The following TMEM67 variants were observed in gnomAD, a reference collection of about 807,000 sequenced individuals.
TMEM67 encodes the protein meckelin.
TMEM67 carries 124 observed loss-of-function variants against 136.6 expected under a neutral mutation model. That is an observed-to-expected ratio of 0.91 (90% CI 0.78 to 1.05). TMEM67 has a LOEUF of 1.05. TMEM67 is among the 50% of genes least tolerant of loss of function. The pLI is 0.00. For missense variants in TMEM67, 1,107 were observed against 1,178.4 expected (o/e 0.94, Z 0.89); for synonymous variants, 364 against 390.5 (o/e 0.93, Z 0.80).
At chr8:93,774,894 C>T (rs1813472435) in intron 7 of TMEM67, among the ~76,000 whole-genome samples, 1 of 152,168 alleles carries the variant, frequency 6.6e-6, no homozygotes, top group East Asian at 1.9e-4. Flanking sequence ...ATTGCTGGGT[C>T]AAATGGTATT....
Position 93,756,035 on chromosome 8 carries a change from C to T in TMEM67, c.312+169C>T, listed in dbSNP as rs545717495. 8.8e-5 allele frequency: 44 copies of T among 497,214 alleles called. 1 individual carries two copies. In the South Asian group the frequency reaches 1.5e-3, roughly 17 times the overall value. The allele number at this position is 497,214 out of a possible 1,614,324, so 30.8% of individuals were successfully genotyped here. A position where few individuals can be genotyped will look rare whatever the true frequency, so the allele number is the denominator to read the frequency against. The stretch of plus-strand genomic sequence containing the variant: ...TTTGGGAGATCAGCGAAATTTCATG[C>T]AAACTTGGAGAAAACAGAAATGTAT... On this transcript the variant is annotated intron_variant, in intron 2 of 27. Transcript: ENST00000453321.
intron 13 of TMEM67, among the ~76,000 whole-genome samples, chr8:93,787,506 A>G (rs538441567): frequency 6.6e-6 from 1 of 152,332 alleles, no homozygotes; most frequent in Admixed American, 6.5e-5. Flanking sequence ...ACTTTTGATT[A>G]TTCCTCAAAG....
chr8:93,790,910 G>A (rs185770979), intron 14 of TMEM67, among the ~76,000 whole-genome samples: 1 of 152,296 alleles, frequency 6.6e-6, no homozygotes, highest in African/African-American at 2.4e-5. Flanking sequence ...TTAATCTGCG[G>A]TTTAGCAACT....
At position 93,799,576 on chromosome 8, in the gene TMEM67, A is replaced by T. The variant is rs370873700; in HGVS notation, c.2101-42A>T. 3.4e-5 allele frequency: 54 copies of T among 1,604,338 alleles called. No individual in the cohort carries two copies. The African/African-American group carries it at 6.6e-4, about 20-fold the overall frequency. ...TTTTCAGTCTAGAGTAGTTTTCTTTATCCATGTCCGTTTAAATTACTACTT... is the reference window on the plus strand; with the variant it reads ...TTTTCAGTCTAGAGTAGTTTTCTTTTTCCATGTCCGTTTAAATTACTACTT... On this transcript the variant is annotated intron_variant, in intron 20 of 27. Coordinates refer to ENST00000453321, the MANE Select transcript of TMEM67 (RefSeq NM_153704.6).
At chr8:93,758,438 A>G (rs1035330609) in intron 2 of TMEM67, 45 bp from the exon 3 acceptor site, 3 of 1,423,886 alleles carry the variant, frequency 2.1e-6, no homozygotes, top group Non-Finnish European at 3.0e-6. Flanking sequence ...TAGAAGAAGA[A>G]AGTTAATTAA....
intron 7 of TMEM67, among the ~76,000 whole-genome samples, chr8:93,778,822 A>C (rs1813675668): frequency 6.6e-6 from 1 of 152,062 alleles, no homozygotes; most frequent in African/African-American, 2.4e-5. Context: ...GAATCTGACA[A>C]TTATGTGTCT....
Position 93,809,781 on chromosome 8 carries a change from T to G in TMEM67, c.2662-4T>G. 1 of 1,494,014 alleles carries G rather than the reference T, an allele frequency of 6.7e-7. No homozygotes were observed. Among genetic ancestry groups the G allele is most frequent in the South Asian group, 1.1e-5 (1 of 88,080 alleles). The allele number at this position is 1,494,014 out of a possible 1,614,324, so 92.5% of individuals were successfully genotyped here. ...TGAAATGATGCTGTCTTTTTCTTTA[T>G]TAGGTTCATAAGGAAATGGATTACT... On this transcript the variant is annotated splice_polypyrimidine_tract_variant and splice_region_variant and intron_variant, in intron 25 of 27. Coordinates refer to ENST00000453321, the MANE Select transcript of TMEM67 (RefSeq NM_153704.6).
chr8:93,769,278 A>AC (rs1813227702), intron 6 of TMEM67, among the ~76,000 whole-genome samples: 1 of 151,916 alleles, frequency 6.6e-6, no homozygotes, highest in Non-Finnish European at 1.5e-5. Flanking sequence ...GCCTCAGAGG[A>AC]CCCCCCAGTC....
At chr8:93,766,707 A>G (rs1024491950) in intron 6 of TMEM67, among the ~76,000 whole-genome samples, 2 of 152,154 alleles carry the variant, frequency 1.3e-5, no homozygotes, top group African/African-American at 4.8e-5. Flanking sequence ...AGAGTGATTA[A>G]GAGGACTGTG....
At chr8:93,807,938 A>G (rs1340229852) in intron 23 of TMEM67, among the ~76,000 whole-genome samples, 1 of 151,966 alleles carries the variant, frequency 6.6e-6, no homozygotes, top group Non-Finnish European at 1.5e-5. Context: ...CAAAATGGAT[A>G]TGGATATCTG....
chr8:93,819,171 T>C (rs1295704435), downstream of TMEM67: 1 of 447,480 alleles, frequency 2.2e-6, no homozygotes, highest in South Asian at 1.6e-5. Context: ...TTATTTTTAG[T>C]TTAAAATATC....
At chr8:93,803,451 A>G (rs1165686872) in intron 21 of TMEM67, among the ~76,000 whole-genome samples, 153 bp from the exon 22 acceptor site, 1 of 152,242 alleles carries the variant, frequency 6.6e-6, no homozygotes, top group Non-Finnish European at 1.5e-5. Flanking sequence ...CAGAAGAGTC[A>G]GAAATGACAA....
intron 3 of TMEM67, chr8:93,762,991 C>T (rs1417596155): frequency 4.8e-6 from 2 of 413,722 alleles, no homozygotes; most frequent in Non-Finnish European, 9.8e-6. Flanking sequence ...GGTGTGATCT[C>T]AGCTCACTGC....
intron 26 of TMEM67, chr8:93,811,302 G>A (rs1463344514): frequency 6.8e-6 from 1 of 147,428 alleles, no homozygotes; most frequent in East Asian, 2.0e-4. Context: ...TGTCAATCAA[G>A]AGGATCAAGG....
At chr8:93,789,651 AATAT>A (rs201197446) in intron 14 of TMEM67, among the ~76,000 whole-genome samples, 4 of 95,798 alleles carry the variant, frequency 4.2e-5, no homozygotes, top group African/African-American at 7.4e-5. Flanking sequence ...GTCTCAAAAA[AATAT>A]ATATATATAT....
the TMEM67 span, among the ~76,000 whole-genome samples, chr8:93,832,399 CTACTT>C: frequency 6.6e-6 from 1 of 152,208 alleles, no homozygotes; most frequent in South Asian, 2.1e-4. Flanking sequence ...CACCATCTCT[CTACTT>C]TACCTACAGA....
intron 27 of TMEM67, 131 bp from the exon 28 acceptor site, chr8:93,816,241 T>G (rs981273700): frequency 4.0e-6 from 2 of 502,476 alleles, no homozygotes; most frequent in Non-Finnish European, 3.6e-6. Flanking sequence ...TATGTATCAC[T>G]ATGGGATTCA....
intron 2 of TMEM67, chr8:93,756,175 G>A: frequency 3.8e-6 from 1 of 261,514 alleles, no homozygotes; most frequent in Non-Finnish European, 7.3e-6. Flanking sequence ...CATATATAGA[G>A]CAGTCTGGGA....
At chr8:93,793,572 A>C (rs570981608) in intron 16 of TMEM67, among the ~76,000 whole-genome samples, 1 of 151,596 alleles carries the variant, frequency 6.6e-6, no homozygotes, top group Non-Finnish European at 1.5e-5. Context: ...TTTTTTGCCA[A>C]CCTCATGGCA....
Sources: gnomAD v4.1 joint callset for allele counts (sites outside exome capture counted in the v4.1 genomes callset) on GRCh38, gnomAD v4.1.1 for gene constraint, MANE v1.5 for transcripts, NCBI Gene and HGNC (gene_info 2026-07-23, HGNC 2026-07-21) for gene names.